CACNA1C: variants seen among roughly 807,000 people sequenced by gnomAD.
CACNA1C encodes calcium voltage-gated channel subunit alpha1 C, also known as voltage-dependent L-type calcium channel subunit alpha-1C.
CACNA1C carries 30 observed loss-of-function variants against 229.0 expected under a neutral mutation model. The ratio of observed to expected loss-of-function variants is 0.13; its 90% CI spans 0.10 to 0.18. The LOEUF is 0.18. CACNA1C is among the 10% of genes least tolerant of loss of function. The probability of loss-of-function intolerance (pLI) is 1.00; values close to 1 mark genes in which losing one functional copy is unlikely to be tolerated. For missense variants in CACNA1C, 1,658 were observed against 2,845.0 expected, an observed-to-expected ratio of 0.58 and a Z score of 9.49; for synonymous variants, 1,114 against 1,132.5, an observed-to-expected ratio of 0.98 and a Z score of 0.33.
intron 1 of CACNA1C, among the ~76,000 whole-genome samples, chr12:2,097,302 C>A (rs189605522): frequency 6.6e-6 from 1 of 152,002 alleles, no homozygotes; most frequent in African/African-American, 2.4e-5. Flanking sequence ...CCTGCCACCA[C>A]GCCCAGCTAA....
rs2097790320 is a variant in CACNA1C at position 2,691,689 on chromosome 12, G to A, written c.*490G>A. The stretch of plus-strand genomic sequence containing the variant: ...CCCAACCCGGCCCGGAGAGGGAGGA[G>A]GAGGCCTCCAGGGGCGCGGAGCTCT... On this transcript the variant is annotated 3_prime_UTR_variant, in exon 47 of 47. Coordinates refer to ENST00000399655, the MANE Select transcript of CACNA1C (RefSeq NM_000719.7). The A allele has an allele frequency of 6.5e-6, 1 of 154,442 alleles. No homozygotes were observed. Among genetic ancestry groups the A allele is most frequent in the South Asian group, 2.1e-4 (1 of 4,852 alleles). The allele number at this position is 154,442 out of a possible 1,614,324, so 9.6% of individuals were successfully genotyped here. A position where few individuals can be genotyped will look rare whatever the true frequency, so the allele number is the denominator to read the frequency against.
chr12:2,569,549 A>G (rs1403248941), intron 13 of CACNA1C, among the ~76,000 whole-genome samples: 1 of 152,136 alleles, frequency 6.6e-6, no homozygotes, highest in Non-Finnish European at 1.5e-5. Context: ...ATCTTATAAT[A>G]TGTGTTTTTG....
chr12:2,087,794 A>T (rs2068289567), intron 1 of CACNA1C, among the ~76,000 whole-genome samples: 1 of 152,144 alleles, frequency 6.6e-6, no homozygotes, highest in African/African-American at 2.4e-5. Context: ...TTCTGCCATG[A>T]TTCTTTGAAA....
At chr12:2,515,410 T>C (rs1414571662) in intron 9 of CACNA1C, among the ~76,000 whole-genome samples, 1 of 152,232 alleles carries the variant, frequency 6.6e-6, no homozygotes, top group Non-Finnish European at 1.5e-5. Flanking sequence ...GAGAATTTCA[T>C]AGATTGCTCT....
rs374677938 is a variant in CACNA1C at position 2,630,297 on chromosome 12, C to T, written c.3829-4000C>T. 1.1e-3 allele frequency among the ~76,000 whole-genome samples: 163 copies of T among 152,194 alleles called. No homozygotes were observed. Among genetic ancestry groups the T allele is most frequent in the African/African-American group, 3.8e-3 (158 of 41,518 alleles). On this transcript the variant is annotated intron_variant, in intron 29 of 46. Transcript: ENST00000399655. The surrounding 1 kb of genome is among the most constrained non-coding windows in gnomAD (Gnocchi z 5.4). ...CCCTTCTCCATTACACCCTTAAAACCCCTATTACTAATGGTTTCCAGCAAC... is the reference window on the plus strand; with the variant it reads ...CCCTTCTCCATTACACCCTTAAAACTCCTATTACTAATGGTTTCCAGCAAC...
At chr12:2,684,211 G>A (rs1243429229) in intron 43 of CACNA1C, among the ~76,000 whole-genome samples, 1 of 152,148 alleles carries the variant, frequency 6.6e-6, no homozygotes, top group Non-Finnish European at 1.5e-5. Context: ...ATAGAAAGAA[G>A]AATCGAGTGA....
chr12:2,100,226 A>G (rs1188099688), intron 1 of CACNA1C, among the ~76,000 whole-genome samples: 3 of 151,854 alleles, frequency 2.0e-5, no homozygotes, highest in African/African-American at 7.3e-5. Context: ...TGGGTGGATC[A>G]CCTGAGGTCA....
At position 2,689,089 on chromosome 12, in the gene CACNA1C, C is replaced by T. The variant is rs769459766; in HGVS notation, c.6117+310C>T. On this transcript the variant is annotated intron_variant, in intron 46 of 46. Transcript: ENST00000399655. The surrounding 1 kb of genome is among the most constrained non-coding windows in gnomAD (Gnocchi z 4.2). The stretch of plus-strand genomic sequence containing the variant: ...CTGGCTGCCTTTATACACAGACAGG[C>T]AAGATCCAAGGTGCTCAGGCCTGAC... Among the ~76,000 whole-genome samples, 3 of 152,154 alleles carry T rather than the reference C, an allele frequency of 2.0e-5. No homozygotes were observed. The East Asian group carries it at 5.8e-4, about 29-fold the overall frequency.
rs372859593 is a variant in CACNA1C, at chr12:2,674,450, G to A, written c.4727-91G>A. 8.7e-6 allele frequency: 13 copies of A among 1,488,394 alleles called. No homozygotes were observed. In the East Asian group the frequency reaches 1.3e-4, roughly 15 times the overall value. 92.2% of individuals were successfully genotyped at this position (1,488,394 alleles called of 1,614,324 possible). A position where few individuals can be genotyped will look rare whatever the true frequency, so the allele number is the denominator to read the frequency against. ...TGATGAGTCAGGGTTGCGTGGGGCA[G>A]ATGCCACCATCTGTGGCTTCCTACC... On this transcript the variant is annotated intron_variant, in intron 38 of 46. Transcript: ENST00000399655.
chr12:2,582,541 C>T (rs1252333066), intron 14 of CACNA1C, among the ~76,000 whole-genome samples: 4 of 152,184 alleles, frequency 2.6e-5, no homozygotes, highest in African/African-American at 9.6e-5. Context: ...GAATGGCTGA[C>T]GGTCAGCTCA....
At position 2,504,616 on chromosome 12, in the gene CACNA1C, G is replaced by T; in HGVS notation, c.1114-226G>T. ...AGGTTCCACTCCGTACATGCCCGGGGTCCTCAGGGATGGGACCCTGACAGG... is the reference window on the plus strand; with the variant it reads ...AGGTTCCACTCCGTACATGCCCGGGTTCCTCAGGGATGGGACCCTGACAGG... On this transcript the variant is annotated intron_variant, in intron 7 of 46. Transcript: ENST00000399655. This position sits in a 1 kb window ranked among gnomAD's most constrained non-coding sequence, Gnocchi z 6.8. 1.1e-6 allele frequency: 1 copy of T among 910,666 alleles called. No homozygotes were observed. 56.4% of individuals were successfully genotyped at this position (910,666 alleles called of 1,614,324 possible). A position where few individuals can be genotyped will look rare whatever the true frequency, so the allele number is the denominator to read the frequency against.
At chr12:2,342,325 T>G (rs1474348181) in intron 3 of CACNA1C, among the ~76,000 whole-genome samples, 1 of 152,224 alleles carries the variant, frequency 6.6e-6, no homozygotes, top group Non-Finnish European at 1.5e-5. Context: ...ACTTATAATA[T>G]AAAGGGAGTT....
At chr12:1,989,432 G>C (rs1168185301) in intron 1 of CACNA1C, among the ~76,000 whole-genome samples, 2 of 151,944 alleles carry the variant, frequency 1.3e-5, no homozygotes, top group Non-Finnish European at 2.9e-5. Context: ...GAAAGGAAAG[G>C]GGCTGGGCGT....
At chr12:2,316,485 G>C (rs1228727168) in intron 3 of CACNA1C, among the ~76,000 whole-genome samples, 2 of 152,214 alleles carry the variant, frequency 1.3e-5, no homozygotes, top group African/African-American at 4.8e-5. Flanking sequence ...TCAGGTACCT[G>C]CTTCATGCAC....
In CACNA1C at chr12:2,664,952, T is replaced by C. The variant is rs1373779435; in HGVS notation, c.4360T>C (p.Phe1454Leu). Reference protein sequence around the residue: ...ETPCGSSFAVFYFISFYMLCA... With the variant: ...ETPCGSSFAVLYFISFYMLCA... ...ACCCTGTGGTAGCAGCTTTGCTGTC[T>C]TCTACTTCATCAGCTTCTACATGCT... The change falls in exon 35 of 47, where the codon TTC (phenylalanine) becomes CTC (leucine). Residue 1454 changes from phenylalanine (F) to leucine (L), a missense_variant. Physicochemically the swap from Phe to Leu is conservative, Grantham distance 22. This residue lies in a region of CACNA1C where 151 missense variants were observed against 344.4 expected (regional missense o/e 0.44). Transcript: ENST00000399655. 1 of 1,614,208 alleles carries C rather than the reference T, an allele frequency of 6.2e-7. No individual in the cohort carries two copies.
intron 3 of CACNA1C, among the ~76,000 whole-genome samples, chr12:2,366,569 T>G (rs922145717): frequency 1.3e-5 from 2 of 152,168 alleles, no homozygotes; most frequent in African/African-American, 4.8e-5. Flanking sequence ...TATAGAAGTT[T>G]AATTTGCAAA....
intron 3 of CACNA1C, among the ~76,000 whole-genome samples, chr12:2,438,015 G>A (rs563448168): frequency 1.8e-4 from 27 of 150,108 alleles, no homozygotes; most frequent in South Asian, 4.3e-4. Flanking sequence ...TAATGGTAGC[G>A]GTATGATGGT....
intron 1 of CACNA1C, among the ~76,000 whole-genome samples, chr12:2,014,548 G>A (rs543871585): frequency 5.9e-5 from 9 of 152,236 alleles, no homozygotes; most frequent in African/African-American, 1.4e-4. Context: ...AGAGTCTCAC[G>A]GGGAAAATGG....
chr12:2,071,233 T>G (rs2061236340), intron 1 of CACNA1C, among the ~76,000 whole-genome samples: 1 of 143,154 alleles, frequency 7.0e-6, no homozygotes, highest in African/African-American at 2.6e-5. Context: ...TTTGCTTCCC[T>G]TTCCTTTGAC....
Sources: gnomAD v4.1 joint callset for allele counts (sites outside exome capture counted in the v4.1 genomes callset) on GRCh38, gnomAD v4.1.1 for gene constraint, gnomAD v4.1.1 regional missense constraint, Gnocchi (gnomAD v3.1) non-coding constraint, MANE v1.5 for transcripts, NCBI Gene and HGNC (gene_info 2026-07-23, HGNC 2026-07-21) for gene names.